GON4L: variants seen among roughly 807,000 people sequenced by gnomAD.
The protein encoded by GON4L is GON-4-like protein.
GON4L carries 87 observed loss-of-function variants against 211.8 expected under a neutral mutation model. The observed-to-expected ratio is 0.41, with a 90% confidence interval of 0.35 to 0.49. The LOEUF (loss-of-function observed/expected upper bound fraction) is 0.49. Ranked by LOEUF, GON4L falls within the 20% of genes least tolerant of loss-of-function variation. The pLI is 0.15. For synonymous variants in GON4L, 875 were observed against 962.6 expected, an observed-to-expected ratio of 0.91 and a Z score of 1.68; for missense variants, 2,155 against 2,659.5, an observed-to-expected ratio of 0.81 and a Z score of 4.17.
At chr1:155,850,492 G>C (rs966690089) in intron 2 of GON4L, among the ~76,000 whole-genome samples, 1 of 152,214 alleles carries the variant, frequency 6.6e-6, no homozygotes, top group Non-Finnish European at 1.5e-5. Context: ...CCCCAAAAGA[G>C]CTTTCATCTT....
chr1:155,812,211 T>C (rs1245581450), intron 10 of GON4L, among the ~76,000 whole-genome samples: 1 of 152,182 alleles, frequency 6.6e-6, no homozygotes, highest in Non-Finnish European at 1.5e-5. Context: ...ACGTGCCTTC[T>C]GATATGATGC....
At chr1:155,786,069 C>A (rs1025022034) in intron 12 of GON4L, among the ~76,000 whole-genome samples, 3 of 151,382 alleles carry the variant, frequency 2.0e-5, no homozygotes, top group Non-Finnish European at 4.4e-5. Flanking sequence ...GCACTCCAGC[C>A]TGGGCAACAG....
intron 6 of GON4L, among the ~76,000 whole-genome samples, chr1:155,819,807 G>T (rs1484609071): frequency 6.6e-6 from 1 of 152,312 alleles, no homozygotes; most frequent in East Asian, 1.9e-4. Flanking sequence ...CAACACTTTA[G>T]TATTCAAAAG....
At chr1:155,823,347 A>G (rs187407251) in intron 3 of GON4L, among the ~76,000 whole-genome samples, 1 of 152,364 alleles carries the variant, frequency 6.6e-6, no homozygotes, top group Admixed American at 6.5e-5. Context: ...TAATAGAGAT[A>G]GGAAAAAGCA....
Position 155,815,889 on chromosome 1 carries a change from A to C in GON4L, c.1077T>G (p.Phe359Leu). 6.4e-7 allele frequency: 1 copy of C among 1,573,964 alleles called. No individual in the cohort carries two copies. The highest frequency in any genetic ancestry group is 8.7e-7 in the Non-Finnish European group (1 of 1,143,612). The change falls in exon 8 of 32, where the codon TTT becomes TTG. Residue 359 changes from phenylalanine (F) to leucine (L), a missense_variant. Coordinates refer to ENST00000368331, the MANE Select transcript of GON4L (RefSeq NM_001282860.2). ...CATCTTCTTCAAGGTGGATATCCAC[A>C]AACTGAGGAGGCTACATTAGTACAA... is the stretch of plus-strand genomic sequence containing the variant. ...KKANEIKPPQFVDIHLEEDDS... is the reference protein window; with the variant it reads ...KKANEIKPPQLVDIHLEEDDS...
chr1:155,854,206 C>A (rs1672066308), intron 1 of GON4L, among the ~76,000 whole-genome samples: 1 of 152,166 alleles, frequency 6.6e-6, no homozygotes, highest in Non-Finnish European at 1.5e-5. Context: ...GGCTGGAGTA[C>A]AGTGGCGCAA....
chr1:155,786,199 T>G lies in GON4L; in HGVS notation c.1748-825A>C, dbSNP rs570833198. Among the ~76,000 whole-genome samples, 6 of 151,376 alleles carry G rather than the reference T, an allele frequency of 4.0e-5. No individual in the cohort carries two copies. In the South Asian group the frequency reaches 8.4e-4, roughly 21 times the overall value. ...GATATATGAGAGAATGAAAGAGAGA[T>G]AGAGAGAGAGAGTTCTATTCTCATG... On this transcript the variant is annotated intron_variant, in intron 12 of 31. Transcript: ENST00000368331.
chr1:155,789,727 A>G (rs1665328632), intron 12 of GON4L, among the ~76,000 whole-genome samples: 1 of 152,108 alleles, frequency 6.6e-6, no homozygotes, highest in South Asian at 2.1e-4. Context: ...AAATAAAGTC[A>G]TCCCTCAGTA....
At chr1:155,776,585 C>T in intron 15 of GON4L, 104 bp from the exon 16 acceptor site, 1 of 922,648 alleles carries the variant, frequency 1.1e-6, no homozygotes, top group Non-Finnish European at 1.8e-6. Context: ...GGATCTCTCT[C>T]TGTCACTCAG....
intron 12 of GON4L, among the ~76,000 whole-genome samples, chr1:155,790,895 G>A (rs1665481053): frequency 6.6e-6 from 1 of 151,656 alleles, no homozygotes; most frequent in Non-Finnish European, 1.5e-5. Context: ...AGTGAGCTGA[G>A]ATGGCGCCAC....
At chr1:155,791,060 G>C (rs1021402110) in intron 12 of GON4L, among the ~76,000 whole-genome samples, 4 of 151,408 alleles carry the variant, frequency 2.6e-5, no homozygotes, top group Admixed American at 2.0e-4. Flanking sequence ...TCAGGAGTTC[G>C]AGATGAGCCT....
At chr1:155,837,591 C>A (rs188984982) in intron 2 of GON4L, among the ~76,000 whole-genome samples, 1 of 151,962 alleles carries the variant, frequency 6.6e-6, no homozygotes, top group South Asian at 2.1e-4. Context: ...CTTCATCCAT[C>A]AATGAGTGTT....
chr1:155,839,575 C>T (rs895895862), intron 2 of GON4L, among the ~76,000 whole-genome samples: 13 of 150,724 alleles, frequency 8.6e-5, no homozygotes, highest in South Asian at 2.1e-4. Flanking sequence ...TGCTTGAACC[C>T]GGGAGGCGGA....
chr1:155,771,017 T>C (rs1166948998), intron 19 of GON4L, 50 bp downstream of exon 19: 6 of 1,610,956 alleles, frequency 3.7e-6, no homozygotes, highest in Non-Finnish European at 5.1e-6. Context: ...GATAAAAGAA[T>C]GGGTACATAT....
chr1:155,773,444 C>T lies in GON4L; in HGVS notation c.2351-234G>A. Reference sequence around the variant, plus strand: ...GACTCATTCTTTCTTATGTGGAACACTTTATTCACTAAGTAAAACAAACAC... The same window carrying T: ...GACTCATTCTTTCTTATGTGGAACATTTTATTCACTAAGTAAAACAAACAC... On this transcript the variant is annotated intron_variant, in intron 17 of 31. Transcript: ENST00000368331. 3 of 543,548 alleles carry T rather than the reference C, an allele frequency of 5.5e-6. No homozygotes were observed. In the South Asian group the frequency reaches 6.3e-5, roughly 11 times the overall value. The allele number at this position is 543,548 out of a possible 1,614,324, so 33.7% of individuals were successfully genotyped here. A position where few individuals can be genotyped will look rare whatever the true frequency, so the allele number is the denominator to read the frequency against.
chr1:155,767,903 AC>A (rs1335914170), intron 19 of GON4L, among the ~76,000 whole-genome samples: 3 of 152,316 alleles, frequency 2.0e-5, no homozygotes, highest in Non-Finnish European at 4.4e-5. Flanking sequence ...TGCAAAGACA[AC>A]ATCGTAATCT....
intron 2 of GON4L, among the ~76,000 whole-genome samples, chr1:155,851,993 CCTCT>C (rs1441317912): frequency 2.0e-5 from 3 of 151,660 alleles, no homozygotes; most frequent in South Asian, 2.1e-4. Context: ...GGGGAAACCT[CCTCT>C]CTAATAAAAA....
downstream of GON4L, chr1:155,749,284 A>G (rs1215706911): frequency 3.7e-5 from 59 of 1,608,724 alleles, no homozygotes; most frequent in Non-Finnish European, 4.8e-5. Context: ...TTTGTTATTC[A>G]TGCTGCCACA....
At chr1:155,785,730 C>T (rs992185705) in intron 12 of GON4L, among the ~76,000 whole-genome samples, 2 of 152,190 alleles carry the variant, frequency 1.3e-5, no homozygotes, top group Non-Finnish European at 2.9e-5. Flanking sequence ...ATCAGCCCAA[C>T]TCGGCCTCCC....
Sources: allele counts gnomAD v4.1 joint callset (sites outside exome capture counted in the v4.1 genomes callset), GRCh38; gene constraint gnomAD v4.1.1; transcripts MANE v1.5; gene names NCBI Gene and HGNC (gene_info 2026-07-23, HGNC 2026-07-21).